Variants in THSD4 observed in about 807,000 individuals in gnomAD.
THSD4 encodes thrombospondin type 1 domain containing 4.
A neutral mutation model predicts 119.0 loss-of-function variants in THSD4; 69 were observed. The ratio of observed to expected loss-of-function variants is 0.58; its 90% CI spans 0.48 to 0.71. The LOEUF is 0.71. Among genes scored for constraint, THSD4 ranks in the 30% least tolerant of loss-of-function variants. The probability of loss-of-function intolerance (pLI) is 0.00; values close to 1 mark genes in which losing one functional copy is unlikely to be tolerated. For synonymous variants in THSD4, 524 were observed against 540.4 expected (o/e 0.97, Z 0.42); for missense variants, 1,393 against 1,391.1 (o/e 1.00, Z -0.02).
chr15:71,123,732 G>A (rs2040429262), intron 1 of THSD4, among the ~76,000 whole-genome samples: 1 of 152,324 alleles, frequency 6.6e-6, no homozygotes, highest in Non-Finnish European at 1.5e-5. Context: ...CCCAACAGGA[G>A]GAAACAAGGT....
chr15:71,265,725 G>A (rs1410068391), intron 6 of THSD4, among the ~76,000 whole-genome samples: 1 of 152,206 alleles, frequency 6.6e-6, no homozygotes. Context: ...CTCGCTGCGC[G>A]CACAGCAGTC....
chr15:71,459,160 C>CTTTTTTTTTTTTTTTTTTTTTTTTTTT (rs372209662), intron 7 of THSD4, among the ~76,000 whole-genome samples: 2 of 128,876 alleles, frequency 1.6e-5, no homozygotes, highest in African/African-American at 2.9e-5. Flanking sequence ...TTCTTTTTTT[C>CTTTTTTTTTTTTTTTTTTTTTTTTTTT]TTTTTTTTTT....
At chr15:71,600,187 A>G (rs2049979906) in intron 7 of THSD4, among the ~76,000 whole-genome samples, 1 of 152,130 alleles carries the variant, frequency 6.6e-6, no homozygotes, top group African/African-American at 2.4e-5. Flanking sequence ...TGCAAGACTT[A>G]CTCACTCAGA....
At chr15:71,100,775 T>A (rs1301003818) in intron 1 of THSD4, among the ~76,000 whole-genome samples, 2 of 151,982 alleles carry the variant, frequency 1.3e-5, no homozygotes, top group Non-Finnish European at 2.9e-5. Flanking sequence ...AGCCCAGGAG[T>A]TTGAGACCAG....
At chr15:71,562,759 A>G (rs1263723994) in intron 7 of THSD4, among the ~76,000 whole-genome samples, 2 of 149,086 alleles carry the variant, frequency 1.3e-5, no homozygotes, top group African/African-American at 4.9e-5. Context: ...CTGGAGTACA[A>G]TGGCGCAATC....
At chr15:71,191,040 A>T (rs1021767445) in intron 3 of THSD4, among the ~76,000 whole-genome samples, 1 of 151,188 alleles carries the variant, frequency 6.6e-6, no homozygotes, top group Non-Finnish European at 1.5e-5. Flanking sequence ...GAATCATCCG[A>T]CTCTGTTGAT....
chr15:71,688,649 ATTGTT>A (rs538442862), intron 8 of THSD4, among the ~76,000 whole-genome samples: 3 of 142,868 alleles, frequency 2.1e-5, no homozygotes, highest in African/African-American at 5.3e-5. Flanking sequence ...AATCATCTTC[ATTGTT>A]TTGTTTTGTT....
intron 7 of THSD4, among the ~76,000 whole-genome samples, chr15:71,430,755 T>C (rs1186519359): frequency 2.4e-5 from 1 of 41,080 alleles, no homozygotes; most frequent in African/African-American, 1.0e-4. Flanking sequence ...AGACTCTGTC[T>C]CAAGAAAAAA....
At chr15:71,283,077 C>T (rs8027561) in intron 6 of THSD4, among the ~76,000 whole-genome samples, 103,270 of 150,894 alleles carry the variant, frequency 0.68, 35,653 homozygotes, top group East Asian at 0.85. Flanking sequence ...TCAAACGATT[C>T]TTCTGCCTCA....
intron 6 of THSD4, among the ~76,000 whole-genome samples, chr15:71,285,459 C>T (rs2044703518): frequency 1.3e-5 from 2 of 152,190 alleles, no homozygotes; most frequent in South Asian, 2.1e-4. Flanking sequence ...TGCGCTTCAC[C>T]TCCTAAAGTG....
chr15:71,728,459 G>T, intron 8 of THSD4, 90 bp from the exon 9 acceptor site: 1 of 1,488,192 alleles, frequency 6.7e-7, no homozygotes. Flanking sequence ...AAACCTTGAT[G>T]AATGAAGAAG....
At chr15:71,551,009 A>G (rs1333773265) in intron 7 of THSD4, among the ~76,000 whole-genome samples, 1 of 152,232 alleles carries the variant, frequency 6.6e-6, no homozygotes. Context: ...ACTTTTTATC[A>G]TATAGGTCTA....
At chr15:71,531,611 C>T (rs1447945756) in intron 7 of THSD4, among the ~76,000 whole-genome samples, 6 of 152,200 alleles carry the variant, frequency 3.9e-5, no homozygotes, top group Non-Finnish European at 8.8e-5. Flanking sequence ...TTAACTTTTC[C>T]AAGCCTTGAC....
intron 7 of THSD4, among the ~76,000 whole-genome samples, chr15:71,452,655 G>A (rs952526983): frequency 4.0e-5 from 6 of 151,764 alleles, no homozygotes; most frequent in South Asian, 2.1e-4. Flanking sequence ...TGCTCTTGTC[G>A]CTCAGGCTGG....
In THSD4 at chr15:71,720,031, T is replaced by TTC. The variant is rs1555445407; in HGVS notation, c.1358-8517_1358-8516insCT. Among the ~76,000 whole-genome samples the TTC allele has an allele frequency of 4.6e-4, 30 of 65,834 alleles. No homozygotes were observed. In the Middle Eastern group the frequency reaches 0.026, roughly 58 times the overall value. 43.2% of individuals were successfully genotyped at this position (65,834 alleles called of 152,430 possible). A position where few individuals can be genotyped will look rare whatever the true frequency, so the allele number is the denominator to read the frequency against. On this transcript the variant is annotated intron_variant, in intron 8 of 17. Transcript: ENST00000261862. ...TGTGTAATAACATGTGCTTTTTTTT[T>TTC]TTTTCTTTTTTTTTTTTTTTTGAGA... is the stretch of plus-strand genomic sequence containing the variant.
chr15:71,104,312 T>C (rs1479836608), intron 1 of THSD4, among the ~76,000 whole-genome samples: 1 of 148,588 alleles, frequency 6.7e-6, no homozygotes, highest in Non-Finnish European at 1.5e-5. Flanking sequence ...GAAAACAGAC[T>C]GTTTCTCTTC....
At chr15:71,377,867 AACACACAC>A (rs376497737) in intron 6 of THSD4, among the ~76,000 whole-genome samples, 870 of 86,324 alleles carry the variant, frequency 0.01, 12 homozygotes, top group Admixed American at 0.014. Context: ...ACATATCCAC[AACACACAC>A]ACACACACAC....
intron 7 of THSD4, among the ~76,000 whole-genome samples, chr15:71,495,989 C>A (rs1379642877): frequency 2.6e-5 from 4 of 152,224 alleles, no homozygotes; most frequent in Admixed American, 2.6e-4. Context: ...ATGCCAATCT[C>A]TTGCCTACAC....
chr15:71,168,020 G>A (rs1239503523), intron 3 of THSD4, among the ~76,000 whole-genome samples: 2 of 152,192 alleles, frequency 1.3e-5, no homozygotes, highest in African/African-American at 4.8e-5. Flanking sequence ...CTTTCCAGAT[G>A]TTTCTGCCCA....
Sources: gnomAD v4.1 joint callset for allele counts (sites outside exome capture counted in the v4.1 genomes callset) on GRCh38, gnomAD v4.1.1 for gene constraint, MANE v1.5 for transcripts, NCBI Gene and HGNC (gene_info 2026-07-23, HGNC 2026-07-21) for gene names.